The following LGR6 variants were observed in gnomAD, a reference collection of about 807,000 sequenced individuals.
LGR6 encodes leucine-rich repeat-containing G protein-coupled receptor 6.
Under a neutral mutation model 69.4 loss-of-function variants are expected in LGR6, and 45 were observed. That is an observed-to-expected ratio of 0.65 (90% confidence interval 0.51 to 0.83). The LOEUF is 0.83. Ranked by LOEUF, LGR6 falls within the 40% of genes least tolerant of loss-of-function variation. The pLI, the probability that LGR6 is intolerant of heterozygous loss-of-function variation, is 0.00. For missense variants in LGR6, 1,108 were observed against 1,246.7 expected (o/e 0.89, Z 1.68); for synonymous variants, 538 against 555.0 (o/e 0.97, Z 0.43).
chr1:202,200,077 C>T (rs1449113310), intron 1 of LGR6, among the ~76,000 whole-genome samples: 1 of 152,178 alleles, frequency 6.6e-6, no homozygotes, highest in East Asian at 1.9e-4. Flanking sequence ...TCCTCCTTTA[C>T]TAACAAAGCC....
chr1:202,275,582 G>T (rs1665481218), intron 4 of LGR6, among the ~76,000 whole-genome samples: 1 of 152,126 alleles, frequency 6.6e-6, no homozygotes, highest in East Asian at 1.9e-4. Context: ...ACTGTGGCAT[G>T]CAGGGGCCTC....
chr1:202,200,952 G>C (rs989251447), intron 1 of LGR6, among the ~76,000 whole-genome samples: 22 of 152,202 alleles, frequency 1.4e-4, no homozygotes, highest in Admixed American at 1.1e-3. Flanking sequence ...GCTACTTAAG[G>C]CACCTCCAGA....
chr1:202,310,592 G>A (rs1183167618), intron 16 of LGR6, among the ~76,000 whole-genome samples: 5 of 152,052 alleles, frequency 3.3e-5, no homozygotes, highest in Admixed American at 3.3e-4. Context: ...CAATGGCTGT[G>A]GCAATGTCTC....
At chr1:202,282,010 C>CT (rs1666042286) in intron 6 of LGR6, among the ~76,000 whole-genome samples, 1 of 152,156 alleles carries the variant, frequency 6.6e-6, no homozygotes, top group African/African-American at 2.4e-5. Context: ...AAGCTCCACT[C>CT]TTTTTTCCTG....
At chr1:202,305,832 A>C in intron 12 of LGR6, 83 bp downstream of exon 12, 1 of 1,055,732 alleles carries the variant, frequency 9.5e-7, no homozygotes, top group East Asian at 2.4e-5. Context: ...GGGGGGCATC[A>C]GTAAGGGCCA....
Position 202,227,963 on chromosome 1 carries a change from C to T in LGR6, c.312C>T (p.His104=). ...GTCTCTCTGGGAACCATCTCTCACA[C>T]ATCCCAGGACAAGCATTCTCTGGTC... ...ELRLSGNHLS[H]IPGQAFSGLY... The change falls in exon 3 of 18, where the codon CAC becomes CAT. Residue 104 remains histidine (H), a synonymous_variant. Coordinates refer to ENST00000367278, the MANE Select transcript of LGR6 (RefSeq NM_001017403.2). 3.7e-6 allele frequency: 6 copies of T among 1,613,918 alleles called. No homozygotes were observed. Among genetic ancestry groups the T allele is most frequent in the Non-Finnish European group, 5.1e-6 (6 of 1,179,784 alleles).
intron 5 of LGR6, 70 bp downstream of exon 5, chr1:202,276,591 G>A (rs879837856): frequency 5.8e-5 from 76 of 1,303,032 alleles, no homozygotes; most frequent in Non-Finnish European, 8.0e-5. Flanking sequence ...GTTTACTTGA[G>A]TTGGATTGGA....
Position 202,194,561 on chromosome 1 carries a change from G to C in LGR6, c.212+360G>C, listed in dbSNP as rs576404726. 1.0e-5 allele frequency: 6 copies of C among 577,606 alleles called. No homozygotes were observed. The East Asian group carries it at 2.7e-4, about 26-fold the overall frequency. The allele number at this position is 577,606 out of a possible 1,614,324, so 35.8% of individuals were successfully genotyped here. ...TTCTCTTCTAGCAGAGCAGTGCCCG[G>C]GATGGTGGCTGAGGGTAAAGCTGAC... On this transcript the variant is annotated intron_variant, in intron 1 of 17. Transcript: ENST00000367278.
At chr1:202,237,447 G>A (rs1248776061) in intron 4 of LGR6, among the ~76,000 whole-genome samples, 2 of 152,204 alleles carry the variant, frequency 1.3e-5, no homozygotes, top group African/African-American at 2.4e-5. Context: ...GCCTCAAAGA[G>A]GACTTCATAG....
intron 4 of LGR6, among the ~76,000 whole-genome samples, chr1:202,251,743 T>G (rs947596396): frequency 4.6e-5 from 7 of 152,160 alleles, no homozygotes; most frequent in African/African-American, 1.7e-4. Context: ...AGCCTGCCTC[T>G]CAGCTGCACA....
At position 202,307,333 on chromosome 1, in the gene LGR6, T is replaced by A. The variant is rs1039616521; in HGVS notation, c.1212T>A (p.Asp404Glu). The A allele has an allele frequency of 1.9e-6, 3 of 1,613,976 alleles. No homozygotes were observed. The highest frequency in any genetic ancestry group is 2.5e-6 in the Non-Finnish European group (3 of 1,180,004). ...GTCACACCCTCTCTGCCTGCAGGGA[T>A]CTTAGCTGGAACGCCATCCGGTCCA... ...FSQLSSLQAL[D>E]LSWNAIRSIH... Residue 404 changes from aspartate to glutamate, a missense_variant, in exon 14 of 18, where the codon GAT (aspartate) becomes GAA (glutamate). Coordinates refer to ENST00000367278, the MANE Select transcript of LGR6 (RefSeq NM_001017403.2).
intron 1 of LGR6, among the ~76,000 whole-genome samples, chr1:202,222,562 A>G (rs1660236934): frequency 6.6e-6 from 1 of 152,162 alleles, no homozygotes; most frequent in African/African-American, 2.4e-5. Flanking sequence ...AGAAATGCAC[A>G]GGGTAAATAT....
intron 4 of LGR6, among the ~76,000 whole-genome samples, chr1:202,275,322 G>A (rs1253408369): frequency 6.6e-6 from 1 of 152,176 alleles, no homozygotes; most frequent in Admixed American, 6.5e-5. Flanking sequence ...ATCTGCTTAG[G>A]GCAATAGGGG....
chr1:202,203,720 C>A, intron 1 of LGR6: 1 of 1,262,538 alleles, frequency 7.9e-7, no homozygotes, highest in South Asian at 1.2e-5. Flanking sequence ...GCGTAGCAGG[C>A]GGGGCACAGA....
chr1:202,218,708 G>T (rs998348607), intron 1 of LGR6, among the ~76,000 whole-genome samples: 1 of 152,102 alleles, frequency 6.6e-6, no homozygotes, highest in Non-Finnish European at 1.5e-5. Context: ...CAGTTCTGTG[G>T]GTTGCTCACG....
chr1:202,312,536 A>C (rs527754067), intron 16 of LGR6, among the ~76,000 whole-genome samples: 4 of 152,202 alleles, frequency 2.6e-5, no homozygotes, highest in Admixed American at 2.6e-4. Context: ...AGTGAGGAGG[A>C]AGGATCCACA....
intron 6 of LGR6, among the ~76,000 whole-genome samples, chr1:202,297,004 T>C (rs562204689): frequency 5.4e-4 from 81 of 150,786 alleles, no homozygotes; most frequent in African/African-American, 2.0e-3. Context: ...TACAGAAAAG[T>C]GTAAGAGAAA....
At chr1:202,196,163 TG>T (rs1352272296) in intron 1 of LGR6, among the ~76,000 whole-genome samples, 1 of 151,824 alleles carries the variant, frequency 6.6e-6, no homozygotes, top group African/African-American at 2.4e-5. Flanking sequence ...AATTTAGCAG[TG>T]GGGTCTGGAA....
At chr1:202,228,527 A>G (rs1660748849) in intron 3 of LGR6, among the ~76,000 whole-genome samples, 1 of 151,974 alleles carries the variant, frequency 6.6e-6, no homozygotes, top group Non-Finnish European at 1.5e-5. Flanking sequence ...TCCTTTACCT[A>G]TTCCCTTTGA....
Sources: allele counts gnomAD v4.1 joint callset (sites outside exome capture counted in the v4.1 genomes callset), GRCh38; gene constraint gnomAD v4.1.1; transcripts MANE v1.5; gene names NCBI Gene and HGNC (gene_info 2026-07-23, HGNC 2026-07-21).